Variants in FMNL2 observed in about 807,000 individuals in gnomAD.
FMNL2 encodes formin-like protein 2.
FMNL2 carries 51 observed loss-of-function variants against 130.2 expected under a neutral mutation model. The ratio of observed to expected loss-of-function variants is 0.39; its 90% CI spans 0.31 to 0.49. The LOEUF (loss-of-function observed/expected upper bound fraction) is 0.49. FMNL2 is among the 20% of genes least tolerant of loss of function. FMNL2 has a pLI of 0.85. For missense variants in FMNL2, 977 were observed against 1,316.2 expected (o/e 0.74, Z 3.99); for synonymous variants, 465 against 467.1 (o/e 1.00, Z 0.06).
chr2:152,573,587 C>T (rs1397087027), intron 6 of FMNL2, among the ~76,000 whole-genome samples: 1 of 152,140 alleles, frequency 6.6e-6, no homozygotes, highest in Admixed American at 6.6e-5. Flanking sequence ...CATAGCTCTT[C>T]AGTGCTATGA....
intron 2 of FMNL2, among the ~76,000 whole-genome samples, chr2:152,529,068 C>T (rs542510913): frequency 4.1e-4 from 62 of 152,318 alleles, no homozygotes; most frequent in African/African-American, 1.2e-3. Flanking sequence ...TGTTAAACAA[C>T]GACTGCTAGT....
chr2:152,619,667 C>T lies in FMNL2; in HGVS notation c.1786C>T (p.Pro596Ser). 1 of 1,612,556 alleles carries T rather than the reference C, an allele frequency of 6.2e-7. No homozygotes were observed. Among genetic ancestry groups the T allele is most frequent in the Non-Finnish European group, 8.5e-7 (1 of 1,179,596 alleles). Reference protein sequence around the residue: ...PLAPPLPSAPPLPGTSSPTVV... With the variant: ...PLAPPLPSAPSLPGTSSPTVV... ...AGCACCTCCCCTTCCCTCTGCACCT[C>T]CGCTGCCTGGAACATCTTCACCCAC... The change falls in exon 15 of 26, where the codon CCG becomes TCG. Residue 596 changes from proline (P) to serine (S), a missense_variant. Physicochemically the swap from Pro to Ser is moderately conservative, Grantham distance 74. Around this residue, in one of 4 missense-constraint regions of FMNL2, gnomAD observed 689 missense variants for 995.9 expected, o/e 0.69. Coordinates refer to ENST00000288670, the MANE Select transcript of FMNL2 (RefSeq NM_052905.4).
At chr2:152,498,907 C>A (rs920123154) in intron 1 of FMNL2, among the ~76,000 whole-genome samples, 2 of 152,136 alleles carry the variant, frequency 1.3e-5, no homozygotes, top group Non-Finnish European at 2.9e-5. Flanking sequence ...CAGAATTAGT[C>A]CCCCTTCAAC....
At chr2:152,349,220 A>G (rs13024533) in intron 1 of FMNL2, among the ~76,000 whole-genome samples, 117,333 of 151,890 alleles carry the variant, frequency 0.77, 46,236 homozygotes, top group Admixed American at 0.86. Flanking sequence ...GAAGTTTGTG[A>G]TCCAGTCCTA....
chr2:152,573,851 AAAGTCTTTAAAT>A, intron 6 of FMNL2, among the ~76,000 whole-genome samples: 1 of 152,190 alleles, frequency 6.6e-6, no homozygotes, highest in African/African-American at 2.4e-5. Flanking sequence ...CGTATTTTCT[AAAGTCTTTAAAT>A]GTTAATAAGT....
At chr2:152,561,133 G>A (rs1201960221) in intron 6 of FMNL2, 98 bp downstream of exon 6, 3 of 1,272,782 alleles carry the variant, frequency 2.4e-6, no homozygotes, top group Non-Finnish European at 3.2e-6. Context: ...CTCATAAATT[G>A]CCATACAGCA....
chr2:152,450,276 A>C (rs543802409), intron 1 of FMNL2, among the ~76,000 whole-genome samples: 1 of 152,350 alleles, frequency 6.6e-6, no homozygotes, highest in South Asian at 2.1e-4. Flanking sequence ...GAGGCAAGAC[A>C]CAAGAAAAAC....
chr2:152,388,859 A>G (rs1183044844), intron 1 of FMNL2, among the ~76,000 whole-genome samples: 2 of 152,038 alleles, frequency 1.3e-5, no homozygotes, highest in African/African-American at 2.4e-5. Flanking sequence ...GTGGATGTCT[A>G]TGACTGTCTA....
At chr2:152,416,428 A>G (rs1437271304) in intron 1 of FMNL2, among the ~76,000 whole-genome samples, 1 of 152,232 alleles carries the variant, frequency 6.6e-6, no homozygotes, top group Non-Finnish European at 1.5e-5. Flanking sequence ...TTTATGAAGA[A>G]TGAACTGACT....
At chr2:152,461,693 G>A (rs1689259694) in intron 1 of FMNL2, among the ~76,000 whole-genome samples, 1 of 152,176 alleles carries the variant, frequency 6.6e-6, no homozygotes, top group African/African-American at 2.4e-5. Flanking sequence ...TGGATGTTGA[G>A]AGAAGACTTT....
At chr2:152,429,802 C>T (rs1418264913) in intron 1 of FMNL2, among the ~76,000 whole-genome samples, 1 of 152,296 alleles carries the variant, frequency 6.6e-6, no homozygotes, top group East Asian at 1.9e-4. Flanking sequence ...ATGAACGTTA[C>T]ACTAAGCAGT....
chr2:152,526,852 T>C (rs1185937564), intron 2 of FMNL2, among the ~76,000 whole-genome samples: 1 of 152,142 alleles, frequency 6.6e-6, no homozygotes, highest in Non-Finnish European at 1.5e-5. Context: ...GTATGCACCT[T>C]ATAAAATTTT....
At chr2:152,447,452 A>G (rs1305729512) in intron 1 of FMNL2, among the ~76,000 whole-genome samples, 1 of 152,176 alleles carries the variant, frequency 6.6e-6, no homozygotes, top group African/African-American at 2.4e-5. Context: ...CTTCAGCTAG[A>G]TGGTAATTGA....
In FMNL2 at chr2:152,464,643, T is replaced by C. The variant is rs16831152; in HGVS notation, c.118-57300T>C. ...ACCTTGGATCTCAGTGTAGACTAGATTGAGTGTAAAATGAGTTAGCACAAA... is the reference window on the plus strand; with the variant it reads ...ACCTTGGATCTCAGTGTAGACTAGACTGAGTGTAAAATGAGTTAGCACAAA... On this transcript the variant is annotated intron_variant, in intron 1 of 25. Transcript: ENST00000288670. 4.6e-3 allele frequency among the ~76,000 whole-genome samples: 698 copies of C among 152,214 alleles called. 7 individuals carry two copies. Among genetic ancestry groups the C allele is most frequent in the African/African-American group, 0.016 (671 of 41,530 alleles).
Position 152,455,976 on chromosome 2 carries a change from G to A in FMNL2, c.118-65967G>A, listed in dbSNP as rs1053068308. Among the ~76,000 whole-genome samples, 19 of 152,286 alleles carry A rather than the reference G, an allele frequency of 1.2e-4. No homozygotes were observed. In the East Asian group the frequency reaches 3.1e-3, roughly 25 times the overall value. On this transcript the variant is annotated intron_variant, in intron 1 of 25. Coordinates refer to ENST00000288670, the MANE Select transcript of FMNL2 (RefSeq NM_052905.4). ...ATTGATCCTCCCACCTCGGCCTCCC[G>A]AAGTGTTGGGATTACAGGCATGAGC...
intron 1 of FMNL2, among the ~76,000 whole-genome samples, chr2:152,339,187 T>C (rs1681656972): frequency 8.6e-6 from 1 of 116,634 alleles, no homozygotes. Context: ...ATGAGATTTA[T>C]TTCATGATTT....
intron 9 of FMNL2, among the ~76,000 whole-genome samples, chr2:152,601,650 C>CCCTTT (rs2105819770): frequency 2.1e-5 from 2 of 97,004 alleles, no homozygotes; most frequent in East Asian, 6.4e-4. Flanking sequence ...ATCTAAGGCT[C>CCCTTT]TCTTTTCTTT....
At chr2:152,501,799 C>T (rs1691851543) in intron 1 of FMNL2, among the ~76,000 whole-genome samples, 1 of 152,012 alleles carries the variant, frequency 6.6e-6, no homozygotes, top group South Asian at 2.1e-4. Flanking sequence ...CCATACTGTA[C>T]TGTTTCTCTA....
chr2:152,588,111 C>T (rs1345706857), intron 9 of FMNL2, among the ~76,000 whole-genome samples: 1 of 152,202 alleles, frequency 6.6e-6, no homozygotes, highest in Non-Finnish European at 1.5e-5. Flanking sequence ...AACTTAGTGG[C>T]TTAAACCAAC....
Sources: allele counts gnomAD v4.1 joint callset (sites outside exome capture counted in the v4.1 genomes callset), GRCh38; gene constraint gnomAD v4.1.1; regional missense constraint gnomAD v4.1.1; transcripts MANE v1.5; gene names NCBI Gene and HGNC (gene_info 2026-07-23, HGNC 2026-07-21).